CEBPZ: variants seen among roughly 807,000 people sequenced by gnomAD.
CEBPZ encodes the protein CCAAT enhancer binding protein zeta.
CEBPZ carries 78 observed loss-of-function variants against 104.5 expected under a neutral mutation model. The observed-to-expected ratio is 0.75, with a 90% CI of 0.62 to 0.90. CEBPZ has a LOEUF of 0.90. CEBPZ is among the 40% of genes least tolerant of loss of function. The pLI, the probability that CEBPZ is intolerant of heterozygous loss-of-function variation, is 0.00. For missense variants in CEBPZ, 1,439 were observed against 1,233.5 expected, an observed-to-expected ratio of 1.17 and a Z score of -2.50; for synonymous variants, 470 against 427.0, an observed-to-expected ratio of 1.10 and a Z score of -1.24.
chr2:37,219,029 C>T (rs1347068116), intron 5 of CEBPZ, among the ~76,000 whole-genome samples: 1 of 152,192 alleles, frequency 6.6e-6, no homozygotes, highest in African/African-American at 2.4e-5. Context: ...AACTGTCAAG[C>T]TCAAGGTGGT....
In CEBPZ at chr2:37,227,923, C is replaced by T; in HGVS notation, c.1270G>A (p.Val424Ile). The T allele has an allele frequency of 1.9e-6, 3 of 1,614,210 alleles. No individual in the cohort carries two copies. The highest frequency in any genetic ancestry group is 2.5e-6 in the Non-Finnish European group (3 of 1,180,042). Reference sequence around the variant, plus strand: ...TTTGAGCGGAAGAGTAGCCTTTCTACTTCACCAGACACAACTCCTTTCATA... The same window carrying T: ...TTTGAGCGGAAGAGTAGCCTTTCTATTTCACCAGACACAACTCCTTTCATA... ...PNMKGVVSGE[V>I]ERLLFRSNIS... is the part of the protein sequence containing the mutation. Residue 424 changes from valine to isoleucine, a missense_variant, in exon 2 of 16, where the codon GTA (valine) becomes ATA (isoleucine). By Grantham distance (29) the Val-to-Ile change is conservative. Coordinates refer to ENST00000234170, the MANE Select transcript of CEBPZ (RefSeq NM_005760.3).
rs974848459 is a variant in CEBPZ at position 37,216,965 on chromosome 2, G to A, written c.2208+19C>T. On this transcript the variant is annotated intron_variant, in intron 6 of 15. Coordinates refer to ENST00000234170, the MANE Select transcript of CEBPZ (RefSeq NM_005760.3). Reference sequence around the variant, plus strand: ...ACTTTTTTTCTTATTTCTCATCTTTGGATTTATTTTAGACTCACCTGAAGG... The same window carrying A: ...ACTTTTTTTCTTATTTCTCATCTTTAGATTTATTTTAGACTCACCTGAAGG... 1.3e-6 allele frequency: 2 copies of A among 1,588,278 alleles called. No individual in the cohort carries two copies. The highest frequency in any genetic ancestry group is 1.3e-5 in the African/African-American group (1 of 74,194).
In CEBPZ at chr2:37,228,390, G is replaced by C. The variant is rs752749282; in HGVS notation, c.803C>G (p.Thr268Ser). 6.2e-7 allele frequency: 1 copy of C among 1,614,196 alleles called. No individual in the cohort carries two copies. Among genetic ancestry groups the C allele is most frequent in the Admixed American group, 1.7e-5 (1 of 60,026 alleles). ...CTTCTTTTTAACAAGGTTCACAAGAGTTTCTACAAACTGAAGTGTGTGAAC... is the reference window on the plus strand; with the variant it reads ...CTTCTTTTTAACAAGGTTCACAAGACTTTCTACAAACTGAAGTGTGTGAAC... ...DAVHTLQFVE[T>S]LVNLVKKKGS... The change falls in exon 2 of 16, where the codon ACT becomes AGT. Residue 268 changes from threonine (T) to serine (S), a missense_variant. Physicochemically the swap from Thr to Ser is moderately conservative, Grantham distance 58. Coordinates refer to ENST00000234170, the MANE Select transcript of CEBPZ (RefSeq NM_005760.3).
At chr2:37,203,837 A>C (rs1326440668) in intron 13 of CEBPZ, 1 of 152,194 alleles carries the variant, frequency 6.6e-6, no homozygotes, top group African/African-American at 2.4e-5. Context: ...TTCATTTAGC[A>C]TAACGTTTTT....
chr2:37,203,657 A>G (rs971948449), intron 13 of CEBPZ: 6 of 152,242 alleles, frequency 3.9e-5, no homozygotes, highest in Non-Finnish European at 7.3e-5. Flanking sequence ...GACTTGTTCA[A>G]CCACAACCAC....
intron 4 of CEBPZ, 152 bp from the exon 5 acceptor site, chr2:37,220,625 A>T (rs192198817): frequency 3.1e-5 from 14 of 450,534 alleles, no homozygotes; most frequent in African/African-American, 2.4e-4. Flanking sequence ...CTCCCTCAAG[A>T]ATTTGTCTTG....
rs781444662 is a variant in CEBPZ, at chr2:37,228,387, A to G, written c.806T>C (p.Leu269Pro). ...AVHTLQFVET[L>P]VNLVKKKGSK... is the part of the protein sequence containing the mutation. ...GCCCTTCTTTTTAACAAGGTTCACAAGAGTTTCTACAAACTGAAGTGTGTG... is the reference window on the plus strand; with the variant it reads ...GCCCTTCTTTTTAACAAGGTTCACAGGAGTTTCTACAAACTGAAGTGTGTG... The change falls in exon 2 of 16, where the codon CTT becomes CCT. Residue 269 changes from leucine (L) to proline (P), a missense_variant. Coordinates refer to ENST00000234170, the MANE Select transcript of CEBPZ (RefSeq NM_005760.3). 15 of 1,614,230 alleles carry G rather than the reference A, an allele frequency of 9.3e-6. No homozygotes were observed. Among genetic ancestry groups the G allele is most frequent in the Non-Finnish European group, 1.2e-5 (14 of 1,180,048 alleles).
At chr2:37,230,015 C>A (rs1665006467) in intron 1 of CEBPZ, among the ~76,000 whole-genome samples, 2 of 152,084 alleles carry the variant, frequency 1.3e-5, no homozygotes, top group South Asian at 4.2e-4. Context: ...ATTTATACTA[C>A]ATATACACTT....
Position 37,214,915 on chromosome 2 carries a change from T to C in CEBPZ, c.2418A>G (p.Gln806=). Residue 806 remains glutamine, a synonymous_variant, in exon 9 of 16, where the codon CAA becomes CAG. Transcript: ENST00000234170. ...SKEFLAKEES[Q]IPVDEVFFHR... The stretch of plus-strand genomic sequence containing the variant: ...GGAAAAACACTTCATCCACTGGTAT[T>C]TGGCTTTCTTCTTTTGCAAGGAACT... 1 of 1,611,238 alleles carries C rather than the reference T, an allele frequency of 6.2e-7. No homozygotes were observed. The highest frequency in any genetic ancestry group is 8.5e-7 in the Non-Finnish European group (1 of 1,177,574).
In CEBPZ at chr2:37,211,987, A is replaced by C. The variant is rs1251839930; in HGVS notation, c.2656T>G (p.Ser886Ala). Residue 886 changes from serine (S) to alanine (A), a missense_variant, in exon 12 of 16, where the codon TCA becomes GCA. Ser to Ala is a moderately conservative substitution (Grantham distance 99, BLOSUM62 1). Coordinates refer to ENST00000234170, the MANE Select transcript of CEBPZ (RefSeq NM_005760.3). ...CCAAGTTCATCATCACTACCTTCTGAATCTTCATCTAATGTGTTATCCTTA... is the reference window on the plus strand; with the variant it reads ...CCAAGTTCATCATCACTACCTTCTGCATCTTCATCTAATGTGTTATCCTTA... The part of the protein sequence containing the change: ...GAKDNTLDED[S>A]EGSDDELGNL... 1.2e-6 allele frequency: 2 copies of C among 1,612,118 alleles called. No homozygotes were observed. The highest frequency in any genetic ancestry group is 2.7e-5 in the African/African-American group (2 of 74,782).
intron 3 of CEBPZ, among the ~76,000 whole-genome samples, 162 bp from the exon 4 acceptor site, chr2:37,222,725 G>A (rs1429792176): frequency 6.6e-6 from 1 of 152,186 alleles, no homozygotes; most frequent in East Asian, 1.9e-4. Context: ...TTAAACAAGA[G>A]AGGAGATTAC....
rs1251341521 is a variant in CEBPZ, at chr2:37,201,733, A to T, written c.*31T>A. On this transcript the variant is annotated 3_prime_UTR_variant, in exon 16 of 16. Transcript: ENST00000234170. Reference sequence around the variant, plus strand: ...TGAACAGCAAAAATTAGATGTAAGTAGAATTTTAATCTATAATTTACATTA... The same window carrying T: ...TGAACAGCAAAAATTAGATGTAAGTTGAATTTTAATCTATAATTTACATTA... 1 of 1,224,688 alleles carries T rather than the reference A, an allele frequency of 8.2e-7. No individual in the cohort carries two copies. Among genetic ancestry groups the T allele is most frequent in the South Asian group, 1.3e-5 (1 of 78,398 alleles). The allele number at this position is 1,224,688 out of a possible 1,614,324, so 75.9% of individuals were successfully genotyped here.
At chr2:37,202,066 T>C (rs181243402) in intron 15 of CEBPZ, 163 bp from the exon 16 acceptor site, 2 of 471,116 alleles carry the variant, frequency 4.2e-6, no homozygotes, top group African/African-American at 4.0e-5. Context: ...CTTCTCATAT[T>C]TATTGTCAAA....
At chr2:37,220,543 C>T (rs531703964) in intron 4 of CEBPZ, 70 bp from the exon 5 acceptor site, 3 of 728,642 alleles carry the variant, frequency 4.1e-6, no homozygotes, top group Non-Finnish European at 6.7e-6. Context: ...TTAAAAGCAC[C>T]ACCATTAATA....
intron 1 of CEBPZ, among the ~76,000 whole-genome samples, chr2:37,230,667 C>T (rs1454474034): frequency 2.0e-5 from 3 of 152,184 alleles, no homozygotes; most frequent in African/African-American, 4.8e-5. Flanking sequence ...TGCCCTCTGA[C>T]CCCTCGGCCC....
chr2:37,204,074 T>C (rs997635372), intron 13 of CEBPZ: 3 of 150,826 alleles, frequency 2.0e-5, no homozygotes, highest in African/African-American at 7.5e-5. Flanking sequence ...TAAGGTGATA[T>C]GTATGTTACT....
chr2:37,208,993 C>T (rs1677630292), intron 13 of CEBPZ: 1 of 150,708 alleles, frequency 6.6e-6, no homozygotes, highest in Non-Finnish European at 1.5e-5. Flanking sequence ...TATACACCAA[C>T]AGCAACCAAG....
At chr2:37,219,527 G>T (rs1664714187) in intron 5 of CEBPZ, among the ~76,000 whole-genome samples, 1 of 151,872 alleles carries the variant, frequency 6.6e-6, no homozygotes, top group Admixed American at 6.6e-5. Context: ...TATAGTATCA[G>T]TGCCACCGTC....
intron 2 of CEBPZ, among the ~76,000 whole-genome samples, chr2:37,224,902 C>T (rs72875755): frequency 0.048 from 7,333 of 152,196 alleles, 202 homozygotes; most frequent in Middle Eastern, 0.078. Flanking sequence ...CTTAAAAATC[C>T]ACCCTTCCTC....
Sources: allele counts gnomAD v4.1 joint callset (sites outside exome capture counted in the v4.1 genomes callset), GRCh38; gene constraint gnomAD v4.1.1; transcripts MANE v1.5; gene names NCBI Gene and HGNC (gene_info 2026-07-23, HGNC 2026-07-21).